The following CYFIP2 variants were observed in gnomAD, a reference collection of about 807,000 sequenced individuals.
The protein encoded by CYFIP2 is cytoplasmic FMR1-interacting protein 2.
A neutral mutation model predicts 158.7 loss-of-function variants in CYFIP2; 29 were observed. The ratio of observed to expected loss-of-function variants is 0.18; its 90% CI spans 0.14 to 0.25. The LOEUF (loss-of-function observed/expected upper bound fraction) is 0.25. CYFIP2 is among the 10% of genes least tolerant of loss of function. The pLI is 1.00. For synonymous variants in CYFIP2, 585 were observed against 617.6 expected, an observed-to-expected ratio of 0.95 and a Z score of 0.78; for missense variants, 852 against 1,639.5, an observed-to-expected ratio of 0.52 and a Z score of 8.29.
rs770359721 is a variant in CYFIP2, at chr5:157,341,085, C to T, written c.2601C>T (p.Ala867=). 2 of 1,613,968 alleles carry T rather than the reference C, an allele frequency of 1.2e-6. No homozygotes were observed. Among genetic ancestry groups the T allele is most frequent in the East Asian group, 4.5e-5 (2 of 44,894 alleles). Residue 867 remains alanine (A), a synonymous_variant, in exon 23 of 31, where the codon GCC becomes GCT. Coordinates refer to ENST00000620254, the MANE Select transcript of CYFIP2 (RefSeq NM_001037333.3). ...CTTCTACTAGTTTTGTGCGGACTGC[C>T]ATTCCTTTCACCCAAGAACCACAAC... ...NGSTNRFVRT[A]IPFTQEPQRD... is the part of the protein sequence containing the mutation.
chr5:157,382,704 G>A, intron 27 of CYFIP2, 42 bp downstream of exon 27: 1 of 1,593,258 alleles, frequency 6.3e-7, no homozygotes, highest in Non-Finnish European at 8.6e-7. Flanking sequence ...ACTGGCGTTT[G>A]AACCTTATTC....
chr5:157,311,265 C>G lies in CYFIP2; in HGVS notation c.993-399C>G. 2.7e-6 allele frequency: 1 copy of G among 374,152 alleles called. No homozygotes were observed. The highest frequency in any genetic ancestry group is 2.0e-5 in the South Asian group (1 of 49,854). 23.2% of individuals were successfully genotyped at this position (374,152 alleles called of 1,614,324 possible). The stretch of plus-strand genomic sequence containing the variant: ...AAGGCCCCCCAAAGCCAGCTTCAAC[C>G]GCAGAGTGTCTGTGCTGTCAGAGTG... On this transcript the variant is annotated intron_variant, in intron 10 of 30. Coordinates refer to ENST00000620254, the MANE Select transcript of CYFIP2 (RefSeq NM_001037333.3). This position sits in a 1 kb window ranked among gnomAD's most constrained non-coding sequence, Gnocchi z 4.7.
chr5:157,310,998 T>C (rs1759666562), intron 10 of CYFIP2: 1 of 455,478 alleles, frequency 2.2e-6, no homozygotes, highest in Non-Finnish European at 4.4e-6. Context: ...CTCTCTGACT[T>C]AGGATGGTTT....
chr5:157,295,071 T>C (rs1191714687), intron 4 of CYFIP2, among the ~76,000 whole-genome samples: 2 of 152,184 alleles, frequency 1.3e-5, no homozygotes, highest in South Asian at 2.1e-4. Context: ...AACACATTTG[T>C]TCAATATATT....
intron 1 of CYFIP2, among the ~76,000 whole-genome samples, chr5:157,278,193 C>G (rs72807081): frequency 6.6e-6 from 1 of 151,506 alleles, no homozygotes; most frequent in South Asian, 2.1e-4. Context: ...TATATGTATA[C>G]ATATGTGTAT....
intron 11 of CYFIP2, among the ~76,000 whole-genome samples, chr5:157,313,218 C>A (rs1204611448): frequency 1.3e-5 from 2 of 152,228 alleles, no homozygotes; most frequent in Non-Finnish European, 2.9e-5. Context: ...CTGGTCACAA[C>A]ATTTTCATCA....
intron 8 of CYFIP2, among the ~76,000 whole-genome samples, chr5:157,306,549 CT>C (rs1368389571): frequency 6.6e-6 from 1 of 152,200 alleles, no homozygotes; most frequent in Admixed American, 6.5e-5. Context: ...CCGTGGAGCA[CT>C]GTCTGCTCTT....
chr5:157,288,523 C>A, intron 3 of CYFIP2: 1 of 446,776 alleles, frequency 2.2e-6, no homozygotes, highest in Admixed American at 2.4e-5. Flanking sequence ...GAGAGGTATG[C>A]AAGGGCAGAT....
rs760173046 is a variant in CYFIP2, at chr5:157,326,220, C to G, written c.2032C>G (p.Leu678Val). 20 of 1,613,910 alleles carry G rather than the reference C, an allele frequency of 1.2e-5. No individual in the cohort carries two copies. The highest frequency in any genetic ancestry group is 1.6e-5 in the Non-Finnish European group (19 of 1,179,890). The change falls in exon 18 of 31, where the codon CTG becomes GTG. Residue 678 changes from leucine (L) to valine (V), a missense_variant. Coordinates refer to ENST00000620254, the MANE Select transcript of CYFIP2 (RefSeq NM_001037333.3). The stretch of plus-strand genomic sequence containing the variant: ...GTACAACGACAGCGCCTACTATGCT[C>G]TGACCAAGTTTAAAAAGCAGTTCCT... Reference protein sequence around the residue: ...DLYNDSAYYALTKFKKQFLYD... With the variant: ...DLYNDSAYYAVTKFKKQFLYD...
At chr5:157,374,176 T>C (rs180776651) in intron 26 of CYFIP2, among the ~76,000 whole-genome samples, 57 of 152,304 alleles carry the variant, frequency 3.7e-4, no homozygotes, top group African/African-American at 1.3e-3. Context: ...CCTGAATTGG[T>C]GTCAGAATCC....
At chr5:157,307,636 G>GGTGTGTGTGT (rs144622623) in intron 8 of CYFIP2, 125 bp from the exon 9 acceptor site, 218,362 of 422,906 alleles carry the variant, frequency 0.52, 38,834 homozygotes, top group Admixed American at 0.65. Flanking sequence ...GTCTCTACAG[G>GGTGTGTGTGT]GTGTGTGTGT....
intron 23 of CYFIP2, chr5:157,342,948 C>T (rs147986877): frequency 3.0e-5 from 48 of 1,614,082 alleles, no homozygotes; most frequent in African/African-American, 1.2e-4. Context: ...TGGTTGGCTT[C>T]GGGATCCAGT....
intron 8 of CYFIP2, chr5:157,304,637 C>T (rs1759063752): frequency 4.5e-6 from 1 of 222,064 alleles, no homozygotes; most frequent in Non-Finnish European, 7.7e-6. Flanking sequence ...AACATATCCC[C>T]TGTGGTTGGA....
At chr5:157,379,569 G>A (rs1765831372) in intron 26 of CYFIP2, among the ~76,000 whole-genome samples, 1 of 149,226 alleles carries the variant, frequency 6.7e-6, no homozygotes, top group African/African-American at 2.5e-5. Flanking sequence ...TATTCAGGAG[G>A]CTGAGATGGG....
Position 157,361,579 on chromosome 5 carries a change from T to C in CYFIP2, c.3020T>C (p.Leu1007Pro). ...GTGGGCAATGCCATCCTCTTCTGCC[T>C]CCTCATAGAGCAAGCTCTGGTAAGT... is the stretch of plus-strand genomic sequence containing the variant. ...REVGNAILFC[L>P]LIEQALSQEE... is the part of the protein sequence containing the mutation. The change falls in exon 26 of 31, where the codon CTC becomes CCC. Residue 1007 changes from leucine to proline, a missense_variant. This residue lies in a region of CYFIP2 where 223 missense variants were observed against 381.6 expected (regional missense o/e 0.58). Transcript: ENST00000620254. This position sits in a 1 kb window ranked among gnomAD's most constrained non-coding sequence, Gnocchi z 4.4. 2.1e-5 allele frequency: 34 copies of C among 1,613,940 alleles called. No homozygotes were observed. Among genetic ancestry groups the C allele is most frequent in the Non-Finnish European group, 2.9e-5 (34 of 1,179,908 alleles).
chr5:157,312,088 G>A (rs1449383009), intron 11 of CYFIP2, among the ~76,000 whole-genome samples: 1 of 152,196 alleles, frequency 6.6e-6, no homozygotes, highest in Non-Finnish European at 1.5e-5. Context: ...CAGATAATAA[G>A]GGCCTGGTGA....
chr5:157,296,662 A>C lies in CYFIP2; in HGVS notation c.286-11A>C. 1 of 1,611,160 alleles carries C rather than the reference A, an allele frequency of 6.2e-7. No homozygotes were observed. Among genetic ancestry groups the C allele is most frequent in the Non-Finnish European group, 8.5e-7 (1 of 1,177,538 alleles). ...AAACCAGGATGTGTGTGTCCCCATTATCCCCCACAGGTGAAATGCAACGAG... is the reference window on the plus strand; with the variant it reads ...AAACCAGGATGTGTGTGTCCCCATTCTCCCCCACAGGTGAAATGCAACGAG... On this transcript the variant is annotated splice_polypyrimidine_tract_variant and intron_variant, in intron 4 of 30. Transcript: ENST00000620254.
In CYFIP2 at chr5:157,343,181, A is replaced by G. The variant is rs763252307; in HGVS notation, c.2673+2024A>G. The G allele has an allele frequency of 8.7e-6, 14 of 1,614,100 alleles. No homozygotes were observed. The East Asian group carries it at 1.6e-4, about 18-fold the overall frequency. ...GACGGCTGTGAAGCAGGCCAGCAGA[A>G]TGGCCATCAGCACCCAAAGGGAGAT... On this transcript the variant is annotated intron_variant, in intron 23 of 30. Transcript: ENST00000620254.
intron 26 of CYFIP2, chr5:157,376,959 G>A (rs1487096276): frequency 6.6e-6 from 3 of 453,182 alleles, no homozygotes; most frequent in Non-Finnish European, 1.3e-5. Context: ...CAGCCTTGCT[G>A]TTCTCTGACT....
Sources: allele counts gnomAD v4.1 joint callset (sites outside exome capture counted in the v4.1 genomes callset), GRCh38; gene constraint gnomAD v4.1.1; regional missense constraint gnomAD v4.1.1; non-coding constraint Gnocchi (gnomAD v3.1); transcripts MANE v1.5; gene names NCBI Gene and HGNC (gene_info 2026-07-23, HGNC 2026-07-21).